The following PALLD variants were observed in gnomAD, a reference collection of about 807,000 sequenced individuals.
PALLD encodes the protein palladin, cytoskeletal associated protein, also known as palladin.
In PALLD, 61 loss-of-function variants were observed where a neutral mutation model predicts 123.5. The ratio of observed to expected loss-of-function variants is 0.49; its 90% CI spans 0.40 to 0.61. The LOEUF is 0.61. PALLD is among the 20% of genes least tolerant of loss of function. The pLI, the probability that PALLD is intolerant of heterozygous loss-of-function variation, is 0.00. For synonymous variants in PALLD, 465 were observed against 496.4 expected, an observed-to-expected ratio of 0.94 and a Z score of 0.84; for missense variants, 1,273 against 1,377.0, an observed-to-expected ratio of 0.92 and a Z score of 1.20.
chr4:168,662,537 G>A (rs1779225706), intron 2 of PALLD, among the ~76,000 whole-genome samples: 1 of 152,220 alleles, frequency 6.6e-6, no homozygotes, highest in Admixed American at 6.5e-5. Context: ...CAGGAAGAAG[G>A]GGGATAGTGT....
At chr4:168,668,065 G>GTTT in intron 2 of PALLD, 125 bp from the exon 3 acceptor site, 1 of 639,422 alleles carries the variant, frequency 1.6e-6, no homozygotes, top group Non-Finnish European at 2.7e-6. Context: ...CACTGACATT[G>GTTT]TTTTTTTTTT....
intron 2 of PALLD, among the ~76,000 whole-genome samples, chr4:168,581,326 A>C (rs977014329): frequency 4.0e-5 from 6 of 151,540 alleles, no homozygotes; most frequent in Admixed American, 2.0e-4. Flanking sequence ...AGCAACCTTC[A>C]TACTGTTTTC....
Position 168,926,256 on chromosome 4 carries a change from A to G in PALLD, c.*76A>G. The G allele has an allele frequency of 6.5e-7, 1 of 1,536,830 alleles. No homozygotes were observed. The highest frequency in any genetic ancestry group is 8.7e-7 in the Non-Finnish European group (1 of 1,146,656). The stretch of plus-strand genomic sequence containing the variant: ...CACAGAGCACCAAGCCAAAAAAAGT[A>G]CGGCCCTCAGCCAGTCGCTATGCAG... On this transcript the variant is annotated 3_prime_UTR_variant, in exon 22 of 22. Coordinates refer to ENST00000505667, the MANE Select transcript of PALLD (RefSeq NM_001166108.2).
chr4:168,760,373 C>T (rs1421860873), intron 10 of PALLD, among the ~76,000 whole-genome samples: 2 of 152,290 alleles, frequency 1.3e-5, no homozygotes, highest in Admixed American at 6.5e-5. Context: ...ACTGTGACTA[C>T]CTCCTTTTGG....
chr4:168,681,245 T>C, intron 3 of PALLD, 87 bp from the exon 4 acceptor site: 2 of 842,766 alleles, frequency 2.4e-6, no homozygotes, highest in Non-Finnish European at 4.0e-6. Flanking sequence ...TTGTATGTTA[T>C]TTTATTTAAG....
At chr4:168,498,539 C>A (rs11132268) in intron 1 of PALLD, among the ~76,000 whole-genome samples, 14,755 of 152,076 alleles carry the variant, frequency 0.097, 805 homozygotes, top group Non-Finnish European at 0.11. Flanking sequence ...TCTGCAAGGC[C>A]CAGACAAGAG....
intron 14 of PALLD, among the ~76,000 whole-genome samples, chr4:168,902,370 G>A (rs923808809): frequency 9.2e-5 from 14 of 152,176 alleles, no homozygotes; most frequent in African/African-American, 2.4e-4. Flanking sequence ...GTCTGCAGGT[G>A]GGGTGATGTA....
intron 10 of PALLD, among the ~76,000 whole-genome samples, chr4:168,746,405 A>AAAAAG (rs1730323760): frequency 1.4e-5 from 2 of 146,298 alleles, no homozygotes; most frequent in Non-Finnish European, 3.0e-5. Flanking sequence ...AAAAAAAAAA[A>AAAAAG]AAAAAGAGGA....
chr4:168,624,794 G>A (rs1775080175), intron 2 of PALLD, among the ~76,000 whole-genome samples: 1 of 152,046 alleles, frequency 6.6e-6, no homozygotes, highest in Admixed American at 6.6e-5. Context: ...TGTAATGAGA[G>A]AAAAGACCCC....
chr4:168,514,341 C>T (rs936262920), intron 2 of PALLD, among the ~76,000 whole-genome samples: 2 of 152,130 alleles, frequency 1.3e-5, no homozygotes, highest in African/African-American at 4.8e-5. Flanking sequence ...TAAAAATTAG[C>T]ATTACTGGCT....
intron 2 of PALLD, among the ~76,000 whole-genome samples, chr4:168,647,592 C>G (rs1349832647): frequency 6.6e-6 from 1 of 151,920 alleles, no homozygotes; most frequent in Non-Finnish European, 1.5e-5. Flanking sequence ...ACCAGCCTGG[C>G]CAATATGGTG....
intron 15 of PALLD, among the ~76,000 whole-genome samples, chr4:168,905,148 T>TG (rs1757396569): frequency 7.7e-6 from 1 of 129,564 alleles, no homozygotes; most frequent in South Asian, 2.8e-4. Context: ...GTTTTTTTTT[T>TG]TTTTTTTTTT....
intron 2 of PALLD, among the ~76,000 whole-genome samples, chr4:168,560,425 T>C (rs1434387772): frequency 6.6e-6 from 1 of 152,198 alleles, no homozygotes; most frequent in Non-Finnish European, 1.5e-5. Context: ...AATCTGAAAC[T>C]ACTCAGCAGT....
chr4:168,555,543 C>G (rs757977903), intron 2 of PALLD, among the ~76,000 whole-genome samples: 4 of 152,158 alleles, frequency 2.6e-5, no homozygotes, highest in Non-Finnish European at 5.9e-5. Context: ...CGATTGTGTT[C>G]TAATTTTCCT....
At chr4:168,582,101 T>C (rs2149656022) in intron 2 of PALLD, among the ~76,000 whole-genome samples, 1 of 152,210 alleles carries the variant, frequency 6.6e-6, no homozygotes, top group East Asian at 1.9e-4. Context: ...CTCTACTATG[T>C]TTCATTGGTC....
intron 2 of PALLD, among the ~76,000 whole-genome samples, chr4:168,601,202 T>C (rs1187107392): frequency 6.6e-6 from 1 of 152,106 alleles, no homozygotes; most frequent in Non-Finnish European, 1.5e-5. Flanking sequence ...ATAGGCACAT[T>C]AGATTGCACA....
At chr4:168,793,176 C>CAT (rs1228465727) in intron 10 of PALLD, among the ~76,000 whole-genome samples, 1 of 119,686 alleles carries the variant, frequency 8.4e-6, no homozygotes, top group African/African-American at 3.2e-5. Flanking sequence ...TATATGTGTG[C>CAT]ATATATATAC....
At chr4:168,518,516 C>A (rs1176279288) in intron 2 of PALLD, among the ~76,000 whole-genome samples, 1 of 152,182 alleles carries the variant, frequency 6.6e-6, no homozygotes, top group Non-Finnish European at 1.5e-5. Context: ...CTTGGCTGCA[C>A]CTCCATCACA....
intron 15 of PALLD, among the ~76,000 whole-genome samples, chr4:168,904,694 G>A (rs1582048911): frequency 1.3e-5 from 2 of 152,050 alleles, no homozygotes; most frequent in East Asian, 1.9e-4. Context: ...AAAAGGCATG[G>A]TAAAATGAGC....
Sources: gnomAD v4.1 joint callset for allele counts (sites outside exome capture counted in the v4.1 genomes callset) on GRCh38, gnomAD v4.1.1 for gene constraint, MANE v1.5 for transcripts, NCBI Gene and HGNC (gene_info 2026-07-23, HGNC 2026-07-21) for gene names.